The following SMARCA4 variants were observed in gnomAD, a reference collection of about 807,000 sequenced individuals.
SMARCA4 encodes the protein SWI/SNF related BAF chromatin remodeling complex subunit ATPase 4.
SMARCA4 carries 31 observed loss-of-function variants against 193.9 expected under a neutral mutation model. That is an observed-to-expected ratio of 0.16 (90% CI 0.12 to 0.22). The LOEUF is 0.22. SMARCA4 is among the 10% of genes least tolerant of loss of function. The pLI, the probability that SMARCA4 is intolerant of heterozygous loss-of-function variation, is 1.00. For missense variants in SMARCA4, 1,148 were observed against 2,296.0 expected (o/e 0.50, Z 10.22); for synonymous variants, 942 against 933.1 (o/e 1.01, Z -0.17).
chr19:11,022,878 G>A (rs2089978421), intron 19 of SMARCA4, among the ~76,000 whole-genome samples: 1 of 152,240 alleles, frequency 6.6e-6, no homozygotes, highest in Non-Finnish European at 1.5e-5. Context: ...CTATAGTTTT[G>A]TCACTTTCTG....
chr19:11,053,247 G>T (rs1369277008), intron 30 of SMARCA4, among the ~76,000 whole-genome samples: 1 of 152,178 alleles, frequency 6.6e-6, no homozygotes, highest in East Asian at 1.9e-4. Flanking sequence ...ACTTCGGGAG[G>T]CCAAGGCTGG....
rs768614953 is a variant in SMARCA4, at chr19:11,034,074, G to T, written c.3874-49G>T. On this transcript the variant is annotated intron_variant, in intron 27 of 34. Coordinates refer to ENST00000344626, the MANE Select transcript of SMARCA4 (RefSeq NM_003072.5). The surrounding 1 kb of genome is among the most constrained non-coding windows in gnomAD (Gnocchi z 7.0). ...CCGCTCGCCTCTGAGCTCGGCCGCCGCCCACCCCGGCCCCTCCTCAGCGGC... is the reference window on the plus strand; with the variant it reads ...CCGCTCGCCTCTGAGCTCGGCCGCCTCCCACCCCGGCCCCTCCTCAGCGGC... 1 of 1,485,070 alleles carries T rather than the reference G, an allele frequency of 6.7e-7. No homozygotes were observed. The highest frequency in any genetic ancestry group is 9.4e-7 in the Non-Finnish European group (1 of 1,064,124). 92.0% of individuals were successfully genotyped at this position (1,485,070 alleles called of 1,614,324 possible). A position where few individuals can be genotyped will look rare whatever the true frequency, so the allele number is the denominator to read the frequency against.
chr19:11,010,642 G>T (rs1366799124), intron 15 of SMARCA4, 111 bp downstream of exon 15: 9 of 1,020,614 alleles, frequency 8.8e-6, no homozygotes, highest in African/African-American at 1.6e-5. Context: ...TTTGCTCTTT[G>T]TGGGCAATGC....
rs2076693584 is a variant in SMARCA4 at position 11,058,826 on chromosome 19, C to A, written c.4572C>A (p.Asp1524Glu). The A allele has an allele frequency of 6.2e-7, 1 of 1,614,036 alleles. No individual in the cohort carries two copies. Among genetic ancestry groups the A allele is most frequent in the African/African-American group, 1.3e-5 (1 of 74,926 alleles). ...IRNHKYRSLNDLEKDVMLLCQ... is the reference protein window; with the variant it reads ...IRNHKYRSLNELEKDVMLLCQ... ...ACCACAAGTACCGCAGCCTCAACGA[C>A]CTAGAGAAGGACGTCATGCTCCTGT... Residue 1524 changes from aspartate (D) to glutamate (E), a missense_variant, in exon 32 of 35, where the codon GAC becomes GAA. Coordinates refer to ENST00000344626, the MANE Select transcript of SMARCA4 (RefSeq NM_003072.5). The surrounding 1 kb of genome is among the most constrained non-coding windows in gnomAD (Gnocchi z 5.8).
chr19:10,963,809 G>A (rs903032114), intron 1 of SMARCA4, among the ~76,000 whole-genome samples: 8 of 148,582 alleles, frequency 5.4e-5, no homozygotes, highest in African/African-American at 1.5e-4. Flanking sequence ...TCTGTCATCC[G>A]GGCTGGAGTG....
intron 16 of SMARCA4, chr19:11,016,097 C>T (rs1352418021): frequency 1.3e-5 from 2 of 152,198 alleles, no homozygotes; most frequent in African/African-American, 4.8e-5. Flanking sequence ...GATTCCACTC[C>T]TGGTGGAAGG....
At position 10,987,626 on chromosome 19, in the gene SMARCA4, A is replaced by G. The variant is rs2145811261; in HGVS notation, c.860-40A>G. Reference sequence around the variant, plus strand: ...CCATTTCCAGCCCGGGATGGGCCCCAGAGCTCAACATGACGCCCTGGCCCC... The same window carrying G: ...CCATTTCCAGCCCGGGATGGGCCCCGGAGCTCAACATGACGCCCTGGCCCC... On this transcript the variant is annotated intron_variant, in intron 5 of 34. Coordinates refer to ENST00000344626, the MANE Select transcript of SMARCA4 (RefSeq NM_003072.5). The surrounding 1 kb of genome is among the most constrained non-coding windows in gnomAD (Gnocchi z 5.3). The G allele has an allele frequency of 6.2e-7, 1 of 1,611,908 alleles. No individual in the cohort carries two copies. Among genetic ancestry groups the G allele is most frequent in the East Asian group, 2.2e-5 (1 of 44,856 alleles).
chr19:10,998,979 T>G (rs966297871), intron 11 of SMARCA4, among the ~76,000 whole-genome samples: 1 of 151,672 alleles, frequency 6.6e-6, no homozygotes, highest in African/African-American at 2.4e-5. Context: ...CATGGCTCCC[T>G]GTAGTCTCAA....
Position 10,961,057 on chromosome 19 carries a change from T to G in SMARCA4, c.-149T>G, listed in dbSNP as rs2145348799. 6.8e-6 allele frequency: 1 copy of G among 147,818 alleles called. No individual in the cohort carries two copies. Among genetic ancestry groups the G allele is most frequent in the East Asian group, 2.0e-4 (1 of 4,992 alleles). 9.2% of individuals were successfully genotyped at this position (147,818 alleles called of 1,614,324 possible). On this transcript the variant is annotated 5_prime_UTR_variant, in exon 1 of 35. Transcript: ENST00000344626. Reference sequence around the variant, plus strand: ...GCGCGCGCGCGAGGCTTCCCCTCGTTTGGCGGCGGCGGCGGCTTCTTTGTT... The same window carrying G: ...GCGCGCGCGCGAGGCTTCCCCTCGTGTGGCGGCGGCGGCGGCTTCTTTGTT...
rs201020451 is a variant in SMARCA4, at chr19:11,021,721, G to T, written c.2617-4G>T. On this transcript the variant is annotated splice_region_variant and splice_polypyrimidine_tract_variant and intron_variant, in intron 18 of 34. Coordinates refer to ENST00000344626, the MANE Select transcript of SMARCA4 (RefSeq NM_003072.5). ...GCCCTGATTGCCCACTCTGGGGCCC[G>T]CAGATCCGTTGGAAGTACATGATTG... 6.2e-7 allele frequency: 1 copy of T among 1,607,008 alleles called. No individual in the cohort carries two copies. The highest frequency in any genetic ancestry group is 8.5e-7 in the Non-Finnish European group (1 of 1,176,512).
chr19:11,039,095 GTAATCCCAAGCACTTT>G (rs1432061663), intron 29 of SMARCA4, among the ~76,000 whole-genome samples: 1 of 152,162 alleles, frequency 6.6e-6, no homozygotes, highest in Non-Finnish European at 1.5e-5. Flanking sequence ...ACACATGCCT[GTAATCCCAAGCACTTT>G]GGGAGGCCGA....
Position 11,003,366 on chromosome 19 carries a change from G to T in SMARCA4, c.1970G>T (p.Ser657Ile), listed in dbSNP as rs2146108882. Residue 657 changes from serine to isoleucine, a missense_variant, in exon 13 of 35, where the codon AGT becomes ATT. Physicochemically the swap from Ser to Ile is moderately radical, Grantham distance 142. Coordinates refer to ENST00000344626, the MANE Select transcript of SMARCA4 (RefSeq NM_003072.5). Reference sequence around the variant, plus strand: ...TATGAAGTAGCTCCGAGGTCTGATAGTGAAGAAAGTGGCTCAGAAGAAGAG... The same window carrying T: ...TATGAAGTAGCTCCGAGGTCTGATATTGAAGAAAGTGGCTCAGAAGAAGAG... ...PGYEVAPRSDSEESGSEEEEE... is the reference protein window; with the variant it reads ...PGYEVAPRSDIEESGSEEEEE... 6.2e-7 allele frequency: 1 copy of T among 1,614,154 alleles called. No individual in the cohort carries two copies. The highest frequency in any genetic ancestry group is 8.5e-7 in the Non-Finnish European group (1 of 1,179,968).
rs564852188 is a variant in SMARCA4 at position 10,993,934 on chromosome 19, G to A, written c.1420-894G>A. Among the ~76,000 whole-genome samples the A allele has an allele frequency of 3.3e-3, 500 of 152,092 alleles. 1 individual carries two copies. Among genetic ancestry groups the A allele is most frequent in the African/African-American group, 0.012 (486 of 41,488 alleles). On this transcript the variant is annotated intron_variant, in intron 8 of 34. Coordinates refer to ENST00000344626, the MANE Select transcript of SMARCA4 (RefSeq NM_003072.5). ...TGGGATTACAGGCGTGAGCCACCGC[G>A]CCCTGCCGCCAGTGCTGAGTTTTAT...
chr19:11,045,225 C>T (rs923645151), intron 30 of SMARCA4, among the ~76,000 whole-genome samples: 1 of 152,034 alleles, frequency 6.6e-6, no homozygotes. Context: ...GAGGCTGAGG[C>T]GGGAGAATGG....
At chr19:10,983,490 AGT>A (rs1193234696) in intron 1 of SMARCA4, 2 of 146,486 alleles carry the variant, frequency 1.4e-5, no homozygotes, top group East Asian at 4.0e-4. Context: ...GCAGGAGTGC[AGT>A]GGTGCGATCC....
intron 13 of SMARCA4, among the ~76,000 whole-genome samples, chr19:11,006,699 C>T (rs1349309797): frequency 1.3e-5 from 2 of 152,078 alleles, no homozygotes; most frequent in African/African-American, 2.4e-5. Context: ...AGAGAATAGA[C>T]GTGTAATGTT....
In SMARCA4 at chr19:11,027,748, T is replaced by C. The variant is rs747097301; in HGVS notation, c.3216-36T>C. ...TGCCTGCAGGGTTCCAGGTTTAACATCCTGCGCCTTCTCTCCTGCCTCCTC... is the reference window on the plus strand; with the variant it reads ...TGCCTGCAGGGTTCCAGGTTTAACACCCTGCGCCTTCTCTCCTGCCTCCTC... On this transcript the variant is annotated intron_variant, in intron 23 of 34. Transcript: ENST00000344626. 1.7e-5 allele frequency: 27 copies of C among 1,612,916 alleles called. No homozygotes were observed. The Admixed American group carries it at 4.5e-4, about 27-fold the overall frequency.
chr19:11,034,329 AG>A lies in SMARCA4; in HGVS notation c.3951+130del. On this transcript the variant is annotated intron_variant, in intron 28 of 34. Transcript: ENST00000344626. The surrounding 1 kb of genome is among the most constrained non-coding windows in gnomAD (Gnocchi z 7.0). ...GGGAGCCAGGGACAGCTCACAGTGC[AG>A]CCCACTCCCACCTCCAGACTGACCC... The A allele has an allele frequency of 1.3e-6, 1 of 760,120 alleles. No individual in the cohort carries two copies. The highest frequency in any genetic ancestry group is 2.3e-6 in the Non-Finnish European group (1 of 430,896). The allele number at this position is 760,120 out of a possible 1,614,324, so 47.1% of individuals were successfully genotyped here.
chr19:10,990,065 C>T (rs546119848), intron 7 of SMARCA4, among the ~76,000 whole-genome samples: 1 of 152,306 alleles, frequency 6.6e-6, no homozygotes, highest in South Asian at 2.1e-4. Context: ...TCACAGCTCA[C>T]TGCAAACTTG....
Sources: allele counts gnomAD v4.1 joint callset (sites outside exome capture counted in the v4.1 genomes callset), GRCh38; gene constraint gnomAD v4.1.1; non-coding constraint Gnocchi (gnomAD v3.1); transcripts MANE v1.5; gene names NCBI Gene and HGNC (gene_info 2026-07-23, HGNC 2026-07-21).